STEAP1B: variants seen among roughly 807,000 people sequenced by gnomAD.
STEAP1B encodes STEAP family member 1B, also known as STEAP family protein MGC87042.
Under a neutral mutation model 27.9 loss-of-function variants are expected in STEAP1B, and 13 were observed. The observed-to-expected ratio is 0.47, with a 90% CI of 0.30 to 0.74. The LOEUF (loss-of-function observed/expected upper bound fraction) is 0.74, where lower values mean the gene tolerates loss of function less well. STEAP1B is among the 30% of genes least tolerant of loss of function. The pLI, the probability that STEAP1B is intolerant of heterozygous loss-of-function variation, is 0.06. For synonymous variants in STEAP1B, 86 were observed against 107.1 expected (o/e 0.80, Z 1.22); for missense variants, 250 against 298.7 (o/e 0.84, Z 1.20).
intron 4 of STEAP1B, among the ~76,000 whole-genome samples, chr7:22,434,875 G>T (rs1004423354): frequency 6.6e-6 from 1 of 151,994 alleles, no homozygotes; most frequent in Admixed American, 6.6e-5. Context: ...GCTCAGTTTT[G>T]CCCTAGAATT....
chr7:22,469,129 T>C (rs912596427), intron 4 of STEAP1B, among the ~76,000 whole-genome samples: 2 of 152,142 alleles, frequency 1.3e-5, no homozygotes, highest in Non-Finnish European at 1.5e-5. Flanking sequence ...GGACAAGATA[T>C]AGAGGTGGAA....
chr7:22,442,447 T>C (rs966436713), intron 4 of STEAP1B, among the ~76,000 whole-genome samples: 3 of 152,258 alleles, frequency 2.0e-5, no homozygotes, highest in African/African-American at 4.8e-5. Flanking sequence ...CAGGATGTTG[T>C]GTACCTGTCC....
intron 4 of STEAP1B, among the ~76,000 whole-genome samples, chr7:22,455,035 T>A (rs1785556929): frequency 6.6e-6 from 1 of 151,706 alleles, no homozygotes; most frequent in Non-Finnish European, 1.5e-5. Flanking sequence ...GCTACCCTTT[T>A]TGTATTTTTA....
At chr7:22,449,806 TG>T (rs1785459290) in intron 4 of STEAP1B, among the ~76,000 whole-genome samples, 1 of 152,226 alleles carries the variant, frequency 6.6e-6, no homozygotes, top group South Asian at 2.1e-4. Flanking sequence ...TGCCAGCATT[TG>T]TTATTGCCTG....
At chr7:22,422,351 G>A (rs529955810) in intron 4 of STEAP1B, among the ~76,000 whole-genome samples, 1 of 152,310 alleles carries the variant, frequency 6.6e-6, no homozygotes, top group Non-Finnish European at 1.5e-5. Flanking sequence ...TACAAATATT[G>A]TAACCGCAAA....
At chr7:22,489,013 T>C (rs780323990) in intron 4 of STEAP1B, among the ~76,000 whole-genome samples, 1 of 152,078 alleles carries the variant, frequency 6.6e-6, no homozygotes, top group Non-Finnish European at 1.5e-5. Context: ...ACCCAAGGCT[T>C]TTTACTGGGA....
chr7:22,484,418 A>G (rs557591175), intron 4 of STEAP1B, among the ~76,000 whole-genome samples: 1 of 152,230 alleles, frequency 6.6e-6, no homozygotes, highest in African/African-American at 2.4e-5. Flanking sequence ...ATGACAACAC[A>G]TCTGTTTACA....
Position 22,419,671 on chromosome 7 carries a change from G to A in STEAP1B, c.*133C>T. The A allele has an allele frequency of 9.8e-7, 1 of 1,022,190 alleles. No individual in the cohort carries two copies. Among genetic ancestry groups the A allele is most frequent in the Non-Finnish European group, 1.4e-6 (1 of 727,932 alleles). The allele number at this position is 1,022,190 out of a possible 1,614,324, so 63.3% of individuals were successfully genotyped here. A position where few individuals can be genotyped will look rare whatever the true frequency, so the allele number is the denominator to read the frequency against. On this transcript the variant is annotated 3_prime_UTR_variant, in exon 5 of 5. Transcript: ENST00000678116. ...GCCCTGCCGGATCCATGTTGACAGA[G>A]CAGCCGTCACCTGCAGCATGGCTGT...
At chr7:22,467,082 G>A (rs1395168876) in intron 4 of STEAP1B, among the ~76,000 whole-genome samples, 2 of 152,302 alleles carry the variant, frequency 1.3e-5, no homozygotes, top group East Asian at 1.9e-4. Context: ...ATTGAAGGTT[G>A]TTCCAATTGA....
intron 4 of STEAP1B, among the ~76,000 whole-genome samples, chr7:22,487,423 A>G (rs1338621481): frequency 1.3e-5 from 2 of 152,006 alleles, no homozygotes; most frequent in African/African-American, 2.4e-5. Flanking sequence ...AAAAACCAAG[A>G]CTTGATAGTT....
intron 4 of STEAP1B, among the ~76,000 whole-genome samples, chr7:22,447,083 T>C (rs1228646225): frequency 6.6e-6 from 1 of 152,244 alleles, no homozygotes; most frequent in African/African-American, 2.4e-5. Context: ...GTGAGCACTC[T>C]TGATGTTAAA....
At chr7:22,448,031 C>A (rs969307273) in intron 4 of STEAP1B, among the ~76,000 whole-genome samples, 2 of 152,208 alleles carry the variant, frequency 1.3e-5, no homozygotes, top group East Asian at 3.8e-4. Flanking sequence ...GAAGGGATTT[C>A]TTGCTTTCAG....
intron 4 of STEAP1B, among the ~76,000 whole-genome samples, chr7:22,469,697 T>C (rs1235699044): frequency 1.3e-5 from 2 of 152,210 alleles, no homozygotes; most frequent in East Asian, 1.9e-4. Context: ...GGCTTGCAGA[T>C]AGCCTACATG....
intron 4 of STEAP1B, among the ~76,000 whole-genome samples, chr7:22,428,727 C>T (rs1055488276): frequency 1.4e-4 from 21 of 152,018 alleles, no homozygotes; most frequent in African/African-American, 4.8e-4. Context: ...CACTTAAACT[C>T]GGGAGGGGGA....
intron 4 of STEAP1B, among the ~76,000 whole-genome samples, chr7:22,471,743 T>C (rs548867998): frequency 6.6e-6 from 1 of 151,878 alleles, no homozygotes; most frequent in Admixed American, 6.6e-5. Flanking sequence ...CTCTACAAAA[T>C]ATTTTAAAAG....
intron 4 of STEAP1B, among the ~76,000 whole-genome samples, chr7:22,477,748 T>C (rs1457051467): frequency 6.6e-6 from 1 of 152,204 alleles, no homozygotes; most frequent in Non-Finnish European, 1.5e-5. Context: ...TTTTTAATGC[T>C]TCTTGTGTAA....
At chr7:22,449,866 T>C (rs1785460038) in intron 4 of STEAP1B, among the ~76,000 whole-genome samples, 2 of 152,264 alleles carry the variant, frequency 1.3e-5, no homozygotes, top group Admixed American at 6.5e-5. Context: ...CATCTCATTG[T>C]AGTTTCGATT....
chr7:22,467,105 A>G (rs1785799092), intron 4 of STEAP1B, among the ~76,000 whole-genome samples: 1 of 152,238 alleles, frequency 6.6e-6, no homozygotes, highest in Non-Finnish European at 1.5e-5. Context: ...TCCACCTGCC[A>G]GCATGCCAGA....
At chr7:22,443,561 C>T (rs1429439818) in intron 4 of STEAP1B, among the ~76,000 whole-genome samples, 1 of 152,194 alleles carries the variant, frequency 6.6e-6, no homozygotes, top group Non-Finnish European at 1.5e-5. Flanking sequence ...GATGAGAAAA[C>T]ACACAAAATG....
Sources: allele counts gnomAD v4.1 joint callset (sites outside exome capture counted in the v4.1 genomes callset), GRCh38; gene constraint gnomAD v4.1.1; transcripts MANE v1.5; gene names NCBI Gene and HGNC (gene_info 2026-07-23, HGNC 2026-07-21).